The following RSF1 variants were observed in gnomAD, a reference collection of about 807,000 sequenced individuals.
RSF1 encodes remodeling and spacing factor 1, also known as HBV pX-associated protein 8.
In RSF1, 13 loss-of-function variants were observed where a neutral mutation model predicts 145.2. The observed-to-expected ratio is 0.09, with a 90% CI of 0.06 to 0.14. The LOEUF (loss-of-function observed/expected upper bound fraction) is 0.14. Ranked by LOEUF, RSF1 falls within the 10% of genes least tolerant of loss-of-function variation. The pLI is 1.00. For missense variants in RSF1, 1,517 were observed against 1,718.2 expected (o/e 0.88, Z 2.07); for synonymous variants, 577 against 592.6 (o/e 0.97, Z 0.38).
chr11:77,699,122 C>T (rs1960351829), intron 6 of RSF1, among the ~76,000 whole-genome samples: 1 of 152,110 alleles, frequency 6.6e-6, no homozygotes, highest in Non-Finnish European at 1.5e-5. Flanking sequence ...GAAGAGGATT[C>T]TGGGTCAAAG....
At chr11:77,754,799 T>C (rs1948099765) in intron 2 of RSF1, among the ~76,000 whole-genome samples, 2 of 151,586 alleles carry the variant, frequency 1.3e-5, no homozygotes, top group South Asian at 4.2e-4. Context: ...TAGCCAGGTA[T>C]GGTGGCTCAT....
chr11:77,854,668 T>C, the RSF1 span, among the ~76,000 whole-genome samples: 266 of 152,266 alleles, frequency 1.7e-3, 1 homozygote, highest in South Asian at 0.026. Flanking sequence ...TGTGGCTGCT[T>C]TCGTGGGCTG....
rs555429207 is a variant in RSF1 at position 77,731,979 on chromosome 11, G to A, written c.579-6280C>T. On this transcript the variant is annotated intron_variant, in intron 4 of 15. Transcript: ENST00000308488. Reference sequence around the variant, plus strand: ...ACCACCTAGTGGAGCTGTGAGAAGAGGACCACTGTCCTCTAGACCCCAGAA... The same window carrying A: ...ACCACCTAGTGGAGCTGTGAGAAGAAGACCACTGTCCTCTAGACCCCAGAA... Among the ~76,000 whole-genome samples, 214 of 152,328 alleles carry A rather than the reference G, an allele frequency of 1.4e-3. 1 individual carries two copies. Among genetic ancestry groups the A allele is most frequent in the African/African-American group, 4.9e-3 (204 of 41,578 alleles).
At chr11:77,693,311 C>T (rs976708738) in intron 8 of RSF1, among the ~76,000 whole-genome samples, 196 bp downstream of exon 8, 2 of 151,946 alleles carry the variant, frequency 1.3e-5, no homozygotes, top group Admixed American at 6.6e-5. Context: ...ACTTAGAGGG[C>T]TTTTGATAAC....
intron 2 of RSF1, among the ~76,000 whole-genome samples, chr11:77,758,535 T>A (rs1284203967): frequency 6.6e-6 from 1 of 152,214 alleles, no homozygotes; most frequent in Admixed American, 6.5e-5. Flanking sequence ...CTCCCTTCCA[T>A]AGCAGCTGTA....
rs5792773 is a variant in RSF1, at chr11:77,678,193, CTTTTT to C, written c.3066-45_3066-41del. ...ATGATCACATTATAGCCTGTCCTGGCTTTTTTTTTTTTTTTTTTAATTATTTTTAT... is the reference window on the plus strand; with the variant it reads ...ATGATCACATTATAGCCTGTCCTGGCTTTTTTTTTTTTTAATTATTTTTAT... On this transcript the variant is annotated intron_variant, in intron 11 of 15. Coordinates refer to ENST00000308488, the MANE Select transcript of RSF1 (RefSeq NM_016578.4). The C allele has an allele frequency of 1.4e-3, 889 of 616,696 alleles. 4 individuals carry two copies. The highest frequency in any genetic ancestry group is 1.8e-3 in the Non-Finnish European group (749 of 424,106). The allele number at this position is 616,696 out of a possible 1,614,324, so 38.2% of individuals were successfully genotyped here. A position where few individuals can be genotyped will look rare whatever the true frequency, so the allele number is the denominator to read the frequency against.
At chr11:77,794,990 A>C (rs1482486752) in intron 1 of RSF1, among the ~76,000 whole-genome samples, 1 of 152,216 alleles carries the variant, frequency 6.6e-6, no homozygotes. Flanking sequence ...TAGAACATTC[A>C]GTAATGCCGC....
Position 77,666,457 on chromosome 11 carries a change from C to T in RSF1, c.*460G>A, listed in dbSNP as rs1005894012. The T allele has an allele frequency of 6.6e-6, 1 of 152,620 alleles. No individual in the cohort carries two copies. Among genetic ancestry groups the T allele is most frequent in the African/African-American group, 2.4e-5 (1 of 41,524 alleles). 9.5% of individuals were successfully genotyped at this position (152,620 alleles called of 1,614,324 possible). A position where few individuals can be genotyped will look rare whatever the true frequency, so the allele number is the denominator to read the frequency against. ...TTGAACTTTTAAATTGTCTGTAAAT[C>T]ATCATCTATGCCATGAATGTTTAAA... On this transcript the variant is annotated 3_prime_UTR_variant, in exon 16 of 16. Transcript: ENST00000308488.
chr11:77,784,854 C>T (rs1223148417), intron 1 of RSF1, among the ~76,000 whole-genome samples: 3 of 152,128 alleles, frequency 2.0e-5, no homozygotes, highest in Non-Finnish European at 4.4e-5. Context: ...ATGTTCAGTG[C>T]CTAGCGTTGT....
At chr11:77,817,158 C>T (rs1948789569) in intron 1 of RSF1, among the ~76,000 whole-genome samples, 1 of 152,158 alleles carries the variant, frequency 6.6e-6, no homozygotes. Context: ...TCACAGCAGC[C>T]CTAGGCCAGA....
chr11:77,855,625 G>A, the RSF1 span: 1 of 151,566 alleles, frequency 6.6e-6, no homozygotes, highest in African/African-American at 2.4e-5. Context: ...CACCACGCCT[G>A]GCCTTTTTTT....
intron 4 of RSF1, among the ~76,000 whole-genome samples, chr11:77,734,085 C>A (rs1366548708): frequency 6.6e-6 from 1 of 151,986 alleles, no homozygotes; most frequent in South Asian, 2.1e-4. Flanking sequence ...GCTATTGAAA[C>A]CTGTTATAAT....
intron 12 of RSF1, among the ~76,000 whole-genome samples, chr11:77,677,212 G>C (rs920993247): frequency 6.6e-6 from 1 of 152,122 alleles, no homozygotes; most frequent in South Asian, 2.1e-4. Flanking sequence ...TTACTATGTA[G>C]GGAACCTCGT....
At chr11:77,766,985 A>G (rs1215985172) in intron 1 of RSF1, among the ~76,000 whole-genome samples, 1 of 152,168 alleles carries the variant, frequency 6.6e-6, no homozygotes, top group Non-Finnish European at 1.5e-5. Context: ...AGACAAAATT[A>G]TCAAAACTTA....
rs1414169899 is a variant in RSF1 at position 77,660,558 on chromosome 11, A to G, written c.*6359T>C. The G allele has an allele frequency of 6.6e-6, 1 of 152,082 alleles. No homozygotes were observed. The highest frequency in any genetic ancestry group is 2.4e-5 in the African/African-American group (1 of 41,410). The allele number at this position is 152,082 out of a possible 1,614,324, so 9.4% of individuals were successfully genotyped here. On this transcript the variant is annotated 3_prime_UTR_variant, in exon 16 of 16. Transcript: ENST00000308488. ...TTTAAATCTCATCTCCTAGAAACCA[A>G]ATAAAACATTCTGAGAACCTATTCC...
At chr11:77,773,016 G>T (rs1367096109) in intron 1 of RSF1, among the ~76,000 whole-genome samples, 2 of 152,144 alleles carry the variant, frequency 1.3e-5, no homozygotes, top group African/African-American at 4.8e-5. Context: ...TCTGGTTTTT[G>T]ATATTGGGTT....
At position 77,702,046 on chromosome 11, in the gene RSF1, A is replaced by C. The variant is rs1425298723; in HGVS notation, c.1183T>G (p.Phe395Val). 2 of 1,613,512 alleles carry C rather than the reference A, an allele frequency of 1.2e-6. No individual in the cohort carries two copies. Among genetic ancestry groups the C allele is most frequent in the Non-Finnish European group, 1.7e-6 (2 of 1,179,892 alleles). The stretch of plus-strand genomic sequence containing the variant: ...AAAGGTCCCTTGACTGGACTGTCAA[A>C]ATCATCACTCAGTTTAATTTCTCGT... Reference protein sequence around the residue: ...KKREIKLSDDFDSPVKGPLCK... With the variant: ...KKREIKLSDDVDSPVKGPLCK... Residue 395 changes from phenylalanine to valine, a missense_variant, in exon 6 of 16, where the codon TTT becomes GTT. Transcript: ENST00000308488.
At chr11:77,697,082 T>C (rs1289349716) in intron 7 of RSF1, among the ~76,000 whole-genome samples, 3 of 152,122 alleles carry the variant, frequency 2.0e-5, no homozygotes. Flanking sequence ...GAGTCCCACC[T>C]TACAATAAAG....
rs181996330 is a variant in RSF1, at chr11:77,684,752, C to A, written c.2955+353G>T. Among the ~76,000 whole-genome samples the A allele has an allele frequency of 2.0e-3, 311 of 152,196 alleles. 1 individual carries two copies. Among genetic ancestry groups the A allele is most frequent in the African/African-American group, 5.4e-3 (225 of 41,512 alleles). On this transcript the variant is annotated intron_variant, in intron 10 of 15. Transcript: ENST00000308488. ...CCTATAATCCCAGCACTTTGGGAGA[C>A]CAAGACAGGCAGATCACCTGAGGTC... is the stretch of plus-strand genomic sequence containing the variant.
Sources: allele counts gnomAD v4.1 joint callset (sites outside exome capture counted in the v4.1 genomes callset), GRCh38; gene constraint gnomAD v4.1.1; transcripts MANE v1.5; gene names NCBI Gene and HGNC (gene_info 2026-07-23, HGNC 2026-07-21).